TNKS: variants seen among roughly 807,000 people sequenced by gnomAD.
The protein encoded by TNKS is poly [ADP-ribose] polymerase tankyrase-1.
TNKS carries 72 observed loss-of-function variants against 135.8 expected under a neutral mutation model. That is an observed-to-expected ratio of 0.53 (90% CI 0.44 to 0.64). The LOEUF is 0.64. Ranked by LOEUF, TNKS falls within the 30% of genes least tolerant of loss-of-function variation. TNKS has a pLI of 0.00. For synonymous variants in TNKS, 849 were observed against 649.3 expected, an observed-to-expected ratio of 1.31 and a Z score of -4.68; for missense variants, 1,769 against 1,674.0, an observed-to-expected ratio of 1.06 and a Z score of -0.99.
intron 5 of TNKS, among the ~76,000 whole-genome samples, chr8:9,686,382 G>A (rs1320435623): frequency 2.6e-5 from 4 of 152,146 alleles, no homozygotes; most frequent in Non-Finnish European, 2.9e-5. Flanking sequence ...CATCTTTAGG[G>A]TGACATCAGC....
chr8:9,661,796 C>A (rs1485565983), intron 3 of TNKS, among the ~76,000 whole-genome samples: 4 of 152,256 alleles, frequency 2.6e-5, no homozygotes, highest in Admixed American at 1.3e-4. Context: ...AGTGAACGGG[C>A]TACCTACAGA....
intron 2 of TNKS, among the ~76,000 whole-genome samples, chr8:9,593,367 T>C (rs1798658136): frequency 6.6e-6 from 1 of 152,222 alleles, no homozygotes; most frequent in Non-Finnish European, 1.5e-5. Flanking sequence ...ATAATGGAAA[T>C]GTTTTCTTAA....
At chr8:9,669,820 C>T (rs1317899652) in intron 3 of TNKS, among the ~76,000 whole-genome samples, 1 of 141,060 alleles carries the variant, frequency 7.1e-6, no homozygotes, top group Non-Finnish European at 1.5e-5. Context: ...CAAGAGGGTT[C>T]GCAATTTGGT....
intron 20 of TNKS, among the ~76,000 whole-genome samples, chr8:9,756,002 C>A (rs7006003): frequency 3.3e-5 from 5 of 151,880 alleles, no homozygotes; most frequent in Admixed American, 1.3e-4. Flanking sequence ...TGACTTTGGC[C>A]CTTCCTTTAT....
At chr8:9,615,397 AC>A (rs1278826848) in intron 2 of TNKS, 184 bp from the exon 3 acceptor site, 7 of 457,302 alleles carry the variant, frequency 1.5e-5, no homozygotes, top group Non-Finnish European at 2.7e-5. Context: ...TAAGTTGCCA[AC>A]TTCATTTCAC....
intron 17 of TNKS, chr8:9,741,909 C>G (rs935285917): frequency 1.3e-5 from 3 of 230,298 alleles, no homozygotes; most frequent in African/African-American, 6.7e-5. Flanking sequence ...TCCCCTTCTC[C>G]TTTTCTAACT....
intron 2 of TNKS, among the ~76,000 whole-genome samples, chr8:9,584,707 T>G (rs969923453): frequency 2.6e-5 from 4 of 152,226 alleles, no homozygotes; most frequent in African/African-American, 9.7e-5. Flanking sequence ...GAATCTTTAT[T>G]TAAGTCTCAC....
At chr8:9,578,168 G>A (rs1410842786) in intron 1 of TNKS, among the ~76,000 whole-genome samples, 1 of 152,112 alleles carries the variant, frequency 6.6e-6, no homozygotes, top group Non-Finnish European at 1.5e-5. Flanking sequence ...CTCAAGGGCT[G>A]GTGCTGATTA....
At chr8:9,651,426 A>T (rs201868646) in intron 3 of TNKS, among the ~76,000 whole-genome samples, 1 of 152,214 alleles carries the variant, frequency 6.6e-6, no homozygotes, top group African/African-American at 2.4e-5. Flanking sequence ...TCTGTGATTA[A>T]CAAAGTTAAA....
chr8:9,560,737 T>C (rs575320317), intron 1 of TNKS, among the ~76,000 whole-genome samples: 105 of 152,086 alleles, frequency 6.9e-4, no homozygotes, highest in Middle Eastern at 3.4e-3. Context: ...AATTTGGTAA[T>C]AGAAGAAAGG....
At chr8:9,730,818 A>C (rs1805398744) in intron 13 of TNKS, 72 bp from the exon 14 acceptor site, 1 of 1,537,746 alleles carries the variant, frequency 6.5e-7, no homozygotes, top group Non-Finnish European at 8.8e-7. Flanking sequence ...ATGTTGAACT[A>C]TTTTGGGGCA....
intron 17 of TNKS, among the ~76,000 whole-genome samples, chr8:9,740,316 C>T (rs1264090741): frequency 1.3e-5 from 2 of 152,158 alleles, no homozygotes; most frequent in Admixed American, 6.5e-5. Flanking sequence ...CAGGTGTTCT[C>T]ACAGTTGGAA....
At chr8:9,768,573 A>G (rs985044972) in intron 25 of TNKS, among the ~76,000 whole-genome samples, 6 of 152,232 alleles carry the variant, frequency 3.9e-5, no homozygotes, top group Non-Finnish European at 8.8e-5. Context: ...CTACTTGCCC[A>G]TCTGCAGCTG....
At chr8:9,601,651 A>T (rs1360616553) in intron 2 of TNKS, among the ~76,000 whole-genome samples, 2 of 152,008 alleles carry the variant, frequency 1.3e-5, no homozygotes, top group Admixed American at 6.5e-5. Context: ...CTATTCTTTA[A>T]TAAATTTTCC....
intron 4 of TNKS, among the ~76,000 whole-genome samples, chr8:9,680,519 A>T (rs1802737198): frequency 6.6e-6 from 1 of 152,208 alleles, no homozygotes; most frequent in African/African-American, 2.4e-5. Context: ...AAGCTATGTT[A>T]TTTAAGATAT....
intron 12 of TNKS, among the ~76,000 whole-genome samples, chr8:9,721,449 C>T (rs958832832): frequency 7.9e-5 from 12 of 151,720 alleles, no homozygotes; most frequent in South Asian, 2.1e-4. Context: ...TACCTACTGA[C>T]AAAATGAACT....
chr8:9,775,553 G>T (rs1176294842), intron 26 of TNKS, among the ~76,000 whole-genome samples: 1 of 134,250 alleles, frequency 7.4e-6, no homozygotes, highest in African/African-American at 2.7e-5. Flanking sequence ...TAAAGTCCTT[G>T]CTGAGAGCTT....
chr8:9,751,494 T>C (rs1312609188), intron 18 of TNKS, 115 bp from the exon 19 acceptor site: 3 of 837,288 alleles, frequency 3.6e-6, no homozygotes, highest in African/African-American at 1.7e-5. Context: ...AACCAGTAGG[T>C]GATAATGAGG....
intron 3 of TNKS, among the ~76,000 whole-genome samples, chr8:9,636,866 A>T (rs1465757789): frequency 2.0e-5 from 3 of 152,228 alleles, no homozygotes; most frequent in African/African-American, 7.2e-5. Flanking sequence ...TGACTGCAAT[A>T]TGTAAGTAAT....
Sources: allele counts gnomAD v4.1 joint callset (sites outside exome capture counted in the v4.1 genomes callset), GRCh38; gene constraint gnomAD v4.1.1; transcripts MANE v1.5; gene names NCBI Gene and HGNC (gene_info 2026-07-23, HGNC 2026-07-21).